The following NR5A1 variants were observed in gnomAD, a reference collection of about 807,000 sequenced individuals.
NR5A1 encodes the protein steroidogenic factor 1.
A neutral mutation model predicts 42.7 loss-of-function variants in NR5A1; 6 were observed. The observed-to-expected ratio is 0.14, with a 90% CI of 0.08 to 0.28. NR5A1 has a LOEUF of 0.28. Among genes scored for constraint, NR5A1 ranks in the 10% least tolerant of loss-of-function variants. NR5A1 has a pLI of 1.00. For synonymous variants in NR5A1, 274 were observed against 277.5 expected (o/e 0.99, Z 0.12); for missense variants, 442 against 626.4 (o/e 0.71, Z 3.14).
Position 124,482,717 on chromosome 9 carries a change from CCA to C in NR5A1, c.*39_*40del. ...CTGCGGCCCCGCCCAGGCCCCGCCC[CCA>C]GTCCCGCCCCCAGTCCCGGCCCCGC... On this transcript the variant is annotated 3_prime_UTR_variant, in exon 7 of 7. Transcript: ENST00000373588. The C allele has an allele frequency of 1.2e-6, 1 of 828,400 alleles. No homozygotes were observed. Among genetic ancestry groups the C allele is most frequent in the South Asian group, 1.5e-5 (1 of 68,908 alleles). The allele number at this position is 828,400 out of a possible 1,614,324, so 51.3% of individuals were successfully genotyped here. A position where few individuals can be genotyped will look rare whatever the true frequency, so the allele number is the denominator to read the frequency against.
intron 6 of NR5A1, 45 bp downstream of exon 6, chr9:124,491,036 C>CCCCCCAGCGG: frequency 7.1e-7 from 1 of 1,401,602 alleles, no homozygotes; most frequent in Non-Finnish European, 9.6e-7. Context: ...CCCACCCACC[C>CCCCCCAGCGG]GCCTCTGGCT....
At position 124,482,348 on chromosome 9, in the gene NR5A1, CCTGT is replaced by C. The variant is rs1436250745; in HGVS notation, c.*406_*409del. On this transcript the variant is annotated 3_prime_UTR_variant, in exon 7 of 7. Transcript: ENST00000373588. ...CTAGTTGATACCTGCTCAACTTCTC[CCTGT>C]CTGTTTCCAGGAGAGGAGGAAGGGA... 2 of 310,560 alleles carry C rather than the reference CCTGT, an allele frequency of 6.4e-6. No individual in the cohort carries two copies. Among genetic ancestry groups the C allele is most frequent in the East Asian group, 8.0e-5 (1 of 12,510 alleles). 19.2% of individuals were successfully genotyped at this position (310,560 alleles called of 1,614,324 possible).
intron 1 of NR5A1, among the ~76,000 whole-genome samples, chr9:124,504,986 C>G (rs1832533771): frequency 6.6e-6 from 1 of 151,442 alleles, no homozygotes; most frequent in East Asian, 2.0e-4. Flanking sequence ...CTGCGCCAAC[C>G]CGCCGCGCCG....
chr9:124,502,848 C>T (rs1422093160), intron 3 of NR5A1, among the ~76,000 whole-genome samples: 5 of 152,162 alleles, frequency 3.3e-5, no homozygotes, highest in Admixed American at 3.3e-4. Context: ...CCATAGGGTT[C>T]ACTTTTGGAT....
At chr9:124,490,818 G>C (rs1311180286) in intron 6 of NR5A1, among the ~76,000 whole-genome samples, 1 of 152,208 alleles carries the variant, frequency 6.6e-6, no homozygotes, top group Admixed American at 6.5e-5. Flanking sequence ...AGAGAAAACA[G>C]GGACCCCAGG....
Position 124,496,825 on chromosome 9 carries a change from C to G in NR5A1, c.870+3265G>C, listed in dbSNP as rs922383862. On this transcript the variant is annotated intron_variant, in intron 4 of 6. Coordinates refer to ENST00000373588, the MANE Select transcript of NR5A1 (RefSeq NM_004959.5). The surrounding 1 kb of genome is among the most constrained non-coding windows in gnomAD (Gnocchi z 5.0). ...TGTCAAAATGGGTCACTGGGCACTC[C>G]TGGCCCCCACCGTCCCCCCGGGTCC... is the stretch of plus-strand genomic sequence containing the variant. 2.0e-5 allele frequency among the ~76,000 whole-genome samples: 3 copies of G among 152,174 alleles called. No individual in the cohort carries two copies. Among genetic ancestry groups the G allele is most frequent in the Non-Finnish European group, 4.4e-5 (3 of 68,030 alleles).
At chr9:124,492,030 C>T (rs1832318682) in intron 5 of NR5A1, among the ~76,000 whole-genome samples, 1 of 152,184 alleles carries the variant, frequency 6.6e-6, no homozygotes, top group Admixed American at 6.5e-5. Flanking sequence ...ACCAGTGCTG[C>T]CCGTCCCGTC....
intron 1 of NR5A1, chr9:124,506,956 A>G (rs972516656): frequency 2.6e-5 from 4 of 152,500 alleles, no homozygotes; most frequent in African/African-American, 9.7e-5. Context: ...ACACTCACAG[A>G]CCTCTAGGCT....
In NR5A1 at chr9:124,481,699, C is replaced by A. The variant is rs1049174881; in HGVS notation, c.*1059G>T. ...CTCCCAAGTTCACTTGCATTCCCAC[C>A]CACAGAGACCTGAAGCCCCCAACAG... On this transcript the variant is annotated 3_prime_UTR_variant, in exon 7 of 7. Transcript: ENST00000373588. The A allele has an allele frequency of 6.6e-6, 1 of 152,228 alleles. No individual in the cohort carries two copies. Among genetic ancestry groups the A allele is most frequent in the Non-Finnish European group, 1.5e-5 (1 of 68,072 alleles). The allele number at this position is 152,228 out of a possible 1,614,324, so 9.4% of individuals were successfully genotyped here.
chr9:124,495,901 C>G (rs976493431), intron 4 of NR5A1, among the ~76,000 whole-genome samples: 3 of 152,190 alleles, frequency 2.0e-5, no homozygotes, highest in Non-Finnish European at 4.4e-5. Context: ...TGCCCCGTGC[C>G]CTGCATTCGA....
intron 6 of NR5A1, 66 bp downstream of exon 6, chr9:124,491,015 T>TCTCCC: frequency 1.3e-5 from 8 of 634,816 alleles, no homozygotes; most frequent in Non-Finnish European, 1.9e-5. Context: ...CTCTCCAGCC[T>TCTCCC]CACCCACCCT....
At chr9:124,493,818 G>A (rs1252990646) in intron 4 of NR5A1, among the ~76,000 whole-genome samples, 2 of 152,228 alleles carry the variant, frequency 1.3e-5, no homozygotes, top group East Asian at 1.9e-4. Flanking sequence ...TGCCCAGGCT[G>A]CGGCCAGAGA....
chr9:124,500,131 C>T lies in NR5A1; in HGVS notation c.829G>A (p.Val277Met). The T allele has an allele frequency of 1.2e-6, 2 of 1,613,098 alleles. No homozygotes were observed. Among genetic ancestry groups the T allele is most frequent in the Non-Finnish European group, 1.7e-6 (2 of 1,180,018 alleles). ...ACCATGCACCTGCGTGCCCAGTCCA[C>T]GATGGAGATGAAGGTCTGGTCGGCC... ...RMADQTFISI[V>M]DWARRCMVFK... The change falls in exon 4 of 7, where the codon GTG (valine) becomes ATG (methionine). Residue 277 changes from valine to methionine, a missense_variant. This residue lies in a region of NR5A1 where 163 missense variants were observed against 265.8 expected (regional missense o/e 0.61). Transcript: ENST00000373588. The surrounding 1 kb of genome is among the most constrained non-coding windows in gnomAD (Gnocchi z 6.9).
chr9:124,491,694 C>T lies in NR5A1; in HGVS notation c.991-466G>A, dbSNP rs796110758. On this transcript the variant is annotated intron_variant, in intron 5 of 6. Coordinates refer to ENST00000373588, the MANE Select transcript of NR5A1 (RefSeq NM_004959.5). ...GCTCAGAGTCACACACACACACACA[C>T]GAGCACAGTCATGGGGTCGCCCACT... Among the ~76,000 whole-genome samples the T allele has an allele frequency of 3.2e-4, 49 of 152,104 alleles. 1 individual carries two copies. Among genetic ancestry groups the T allele is most frequent in the African/African-American group, 1.1e-3 (44 of 41,496 alleles).
At chr9:124,495,063 G>C (rs1280398913) in intron 4 of NR5A1, among the ~76,000 whole-genome samples, 1 of 152,156 alleles carries the variant, frequency 6.6e-6, no homozygotes, top group Non-Finnish European at 1.5e-5. Flanking sequence ...ACAGACCTCC[G>C]GGCCCACGTG....
Position 124,503,061 on chromosome 9 carries a change from G to T in NR5A1, c.244+18C>A. 1 of 1,557,318 alleles carries T rather than the reference G, an allele frequency of 6.4e-7. No homozygotes were observed. Among genetic ancestry groups the T allele is most frequent in the South Asian group, 1.2e-5 (1 of 85,162 alleles). On this transcript the variant is annotated intron_variant, in intron 3 of 6. Transcript: ENST00000373588. This position sits in a 1 kb window ranked among gnomAD's most constrained non-coding sequence, Gnocchi z 9.6. Reference sequence around the variant, plus strand: ...CAGGCTGTGGGGGGTCAGGGGTCGAGGCCCGCGCGGCGCGCACCTTCCAGG... The same window carrying T: ...CAGGCTGTGGGGGGTCAGGGGTCGATGCCCGCGCGGCGCGCACCTTCCAGG...
In NR5A1 at chr9:124,493,068, C is replaced by G; in HGVS notation, c.952G>C (p.Gly318Arg). The G allele has an allele frequency of 6.2e-7, 1 of 1,610,056 alleles. No homozygotes were observed. The highest frequency in any genetic ancestry group is 1.1e-5 in the South Asian group (1 of 90,526). Residue 318 changes from glycine to arginine, a missense_variant, in exon 5 of 7, where the codon GGC becomes CGC. Physicochemically the swap from Gly to Arg is moderately radical, Grantham distance 125 (BLOSUM62 -2). Coordinates refer to ENST00000373588, the MANE Select transcript of NR5A1 (RefSeq NM_004959.5). ...FDHIYRQVQH[G>R]KEGSILLVTG... ...ACCAGCAGGATGCTGCCCTCCTTGC[C>G]GTGCTGGACCTGGCGGTAGATGTGG...
chr9:124,490,083 G>A (rs1738072713), intron 6 of NR5A1, among the ~76,000 whole-genome samples: 1 of 151,728 alleles, frequency 6.6e-6, no homozygotes, highest in South Asian at 2.1e-4. Context: ...CCCTCTCCAG[G>A]TGATGAAGCA....
At chr9:124,502,291 T>G (rs1832482824) in intron 3 of NR5A1, among the ~76,000 whole-genome samples, 1 of 152,170 alleles carries the variant, frequency 6.6e-6, no homozygotes, top group Non-Finnish European at 1.5e-5. Context: ...TTTTCTTTTC[T>G]TTCTTTCTCT....
Sources: gnomAD v4.1 joint callset for allele counts (sites outside exome capture counted in the v4.1 genomes callset) on GRCh38, gnomAD v4.1.1 for gene constraint, gnomAD v4.1.1 regional missense constraint, Gnocchi (gnomAD v3.1) non-coding constraint, MANE v1.5 for transcripts, NCBI Gene and HGNC (gene_info 2026-07-23, HGNC 2026-07-21) for gene names.